Variants in PEBP4 observed in about 807,000 individuals in gnomAD.
The protein encoded by PEBP4 is phosphatidylethanolamine-binding protein 4.
Under a neutral mutation model 23.9 loss-of-function variants are expected in PEBP4, and 22 were observed. The observed-to-expected ratio is 0.92, with a 90% CI of 0.66 to 1.31. The LOEUF (loss-of-function observed/expected upper bound fraction) is 1.31, where lower values mean the gene tolerates loss of function less well. Ranked by LOEUF, PEBP4 falls within the 40% of genes most tolerant of loss-of-function variation. The pLI, the probability that PEBP4 is intolerant of heterozygous loss-of-function variation, is 0.00. For missense variants in PEBP4, 324 were observed against 281.7 expected, an observed-to-expected ratio of 1.15 and a Z score of -1.07; for synonymous variants, 112 against 99.3, an observed-to-expected ratio of 1.13 and a Z score of -0.76.
At chr8:22,937,917 C>A (rs1809561215) in intron 1 of PEBP4, among the ~76,000 whole-genome samples, 2 of 151,976 alleles carry the variant, frequency 1.3e-5, no homozygotes, top group Admixed American at 6.6e-5. Flanking sequence ...TGCTTTACAC[C>A]AGATATAAAA....
In PEBP4 at chr8:22,759,346, G is replaced by A. The variant is rs369111016; in HGVS notation, c.358-32126C>T. Among the ~76,000 whole-genome samples, 4 of 149,524 alleles carry A rather than the reference G, an allele frequency of 2.7e-5. No homozygotes were observed. In the East Asian group the frequency reaches 5.8e-4, roughly 22 times the overall value. On this transcript the variant is annotated intron_variant, in intron 4 of 6. Coordinates refer to ENST00000256404, the MANE Select transcript of PEBP4 (RefSeq NM_144962.3). ...TCTTGTCAAGTGAAACATTAGAGAA[G>A]GACAGCCTTTTTTTTTTTTTCCTCA... is the stretch of plus-strand genomic sequence containing the variant.
chr8:22,864,209 G>A (rs1284110542), intron 3 of PEBP4, among the ~76,000 whole-genome samples: 1 of 152,204 alleles, frequency 6.6e-6, no homozygotes, highest in Non-Finnish European at 1.5e-5. Flanking sequence ...CAGCTCAGGT[G>A]TCACCTAGGA....
At chr8:22,915,486 C>G (rs1197558275) in intron 3 of PEBP4, among the ~76,000 whole-genome samples, 1 of 152,088 alleles carries the variant, frequency 6.6e-6, no homozygotes, top group Non-Finnish European at 1.5e-5. Flanking sequence ...CCTGTGTCCC[C>G]ATGCTTGCCC....
chr8:22,812,395 C>T (rs996044124), intron 4 of PEBP4, among the ~76,000 whole-genome samples: 2 of 152,242 alleles, frequency 1.3e-5, no homozygotes, highest in Non-Finnish European at 2.9e-5. Flanking sequence ...TTTCCCTTTC[C>T]CTTCAGGGTG....
rs71206545 is a variant in PEBP4 at position 22,749,805 on chromosome 8, C to CTTTTTTT, written c.358-22592_358-22586dup. Among the ~76,000 whole-genome samples the CTTTTTTT allele has an allele frequency of 1.1e-3, 90 of 83,750 alleles. 10 individuals are homozygous for CTTTTTTT. The highest frequency in any genetic ancestry group is 2.7e-3 in the South Asian group (6 of 2,212). 54.9% of individuals were successfully genotyped at this position (83,750 alleles called of 152,430 possible). A position where few individuals can be genotyped will look rare whatever the true frequency, so the allele number is the denominator to read the frequency against. ...CTCTCCTGATTCTCAGTTTGTCATT[C>CTTTTTTT]TTTTTTTTTTTTTTTTTTGAGATGG... On this transcript the variant is annotated intron_variant, in intron 4 of 6. Transcript: ENST00000256404.
chr8:22,867,733 A>G (rs1807934752), intron 3 of PEBP4, among the ~76,000 whole-genome samples: 2 of 152,210 alleles, frequency 1.3e-5, no homozygotes, highest in South Asian at 2.1e-4. Flanking sequence ...AGCTGGAAAT[A>G]GAGGGGCCTT....
chr8:22,915,245 T>G (rs1446440303), intron 3 of PEBP4, among the ~76,000 whole-genome samples: 1 of 152,140 alleles, frequency 6.6e-6, no homozygotes, highest in African/African-American at 2.4e-5. Context: ...ATTGCAAATC[T>G]GATCACATTT....
intron 4 of PEBP4, among the ~76,000 whole-genome samples, chr8:22,814,490 T>C (rs767932021): frequency 1.3e-5 from 2 of 152,152 alleles, no homozygotes; most frequent in Non-Finnish European, 2.9e-5. Context: ...GTGCCACAGA[T>C]ATTTCTTGTA....
intron 4 of PEBP4, among the ~76,000 whole-genome samples, chr8:22,729,275 C>T (rs763149183): frequency 5.9e-5 from 9 of 152,264 alleles, no homozygotes; most frequent in Admixed American, 3.3e-4. Context: ...TAGGGCTGAG[C>T]GCAGGGAAGG....
chr8:22,750,538 G>A (rs1045542809), intron 4 of PEBP4, among the ~76,000 whole-genome samples: 5 of 152,222 alleles, frequency 3.3e-5, no homozygotes, highest in African/African-American at 1.2e-4. Flanking sequence ...CTGGGCACAT[G>A]GCTGGTGCTT....
chr8:22,896,765 A>G (rs938950405), intron 3 of PEBP4, among the ~76,000 whole-genome samples: 3 of 152,000 alleles, frequency 2.0e-5, no homozygotes, highest in African/African-American at 4.8e-5. Context: ...TGCCTCAACT[A>G]TGTCATGACC....
chr8:22,726,150 G>A (rs1477352709), intron 5 of PEBP4, among the ~76,000 whole-genome samples: 4 of 152,254 alleles, frequency 2.6e-5, no homozygotes, highest in Middle Eastern at 3.4e-3. Flanking sequence ...CAAACGCCCC[G>A]ATGCTGTTTT....
chr8:22,916,157 C>T lies in PEBP4; in HGVS notation c.258+4027G>A, dbSNP rs138664195. On this transcript the variant is annotated intron_variant, in intron 3 of 6. Transcript: ENST00000256404. ...GACAGACCGAGGCAGCCTTTTGTTC[C>T]CTCCCTGTAATGCAATGCACATTCC... is the stretch of plus-strand genomic sequence containing the variant. Among the ~76,000 whole-genome samples, 288 of 152,282 alleles carry T rather than the reference C, an allele frequency of 1.9e-3. 1 individual carries two copies. The highest frequency in any genetic ancestry group is 6.6e-3 in the African/African-American group (274 of 41,540).
chr8:22,768,963 G>A (rs760732712), intron 4 of PEBP4, among the ~76,000 whole-genome samples: 26 of 152,322 alleles, frequency 1.7e-4, no homozygotes, highest in Non-Finnish European at 3.1e-4. Context: ...AGTCACACTA[G>A]GAGCTGGGCA....
At chr8:22,753,922 C>T (rs771716283) in intron 4 of PEBP4, among the ~76,000 whole-genome samples, 13 of 152,148 alleles carry the variant, frequency 8.5e-5, no homozygotes, top group Non-Finnish European at 1.6e-4. Flanking sequence ...CTCCCCACAA[C>T]CTCTGCTGAT....
chr8:22,786,815 C>T (rs1806038006), intron 4 of PEBP4, among the ~76,000 whole-genome samples: 1 of 147,752 alleles, frequency 6.8e-6, no homozygotes, highest in South Asian at 2.3e-4. Context: ...AGGGCTGCAC[C>T]CCCTACCGCT....
At chr8:22,717,613 C>T (rs780490280) in intron 6 of PEBP4, among the ~76,000 whole-genome samples, 13 of 152,186 alleles carry the variant, frequency 8.5e-5, no homozygotes, top group Non-Finnish European at 1.6e-4. Flanking sequence ...GTTGGAGCTG[C>T]GGCAGCCTCT....
intron 3 of PEBP4, among the ~76,000 whole-genome samples, chr8:22,904,292 C>T (rs1029240656): frequency 1.3e-5 from 2 of 152,200 alleles, no homozygotes; most frequent in African/African-American, 4.8e-5. Context: ...GAGGGAGCTT[C>T]TTCGTGGACC....
intron 3 of PEBP4, among the ~76,000 whole-genome samples, chr8:22,918,654 G>A (rs1447154232): frequency 1.3e-5 from 2 of 152,216 alleles, no homozygotes; most frequent in Non-Finnish European, 2.9e-5. Context: ...TCCCTGGCCT[G>A]TGAAAGCATC....
Sources: gnomAD v4.1 joint callset for allele counts (sites outside exome capture counted in the v4.1 genomes callset) on GRCh38, gnomAD v4.1.1 for gene constraint, MANE v1.5 for transcripts, NCBI Gene and HGNC (gene_info 2026-07-23, HGNC 2026-07-21) for gene names.